The following PCDHA2 variants were observed in gnomAD, a reference collection of about 807,000 sequenced individuals.
PCDHA2 encodes the protein protocadherin alpha-2.
PCDHA2 carries 58 observed loss-of-function variants against 66.0 expected under a neutral mutation model. That is an observed-to-expected ratio of 0.88 (90% CI 0.71 to 1.09). The LOEUF is 1.09. Ranked by LOEUF, PCDHA2 falls within the 50% of genes least tolerant of loss-of-function variation. PCDHA2 has a pLI of 0.00. For synonymous variants in PCDHA2, 634 were observed against 554.0 expected (o/e 1.14, Z -2.03); for missense variants, 1,267 against 1,242.3 (o/e 1.02, Z -0.30).
chr5:140,867,751 T>C (rs1280399942), intron 1 of PCDHA2: 2 of 152,116 alleles, frequency 1.3e-5, no homozygotes, highest in Non-Finnish European at 2.9e-5. Context: ...AGTTACAACT[T>C]CAGGCAAAGA....
At chr5:140,807,703 G>A (rs1554124212) in intron 1 of PCDHA2, 2 of 1,614,208 alleles carry the variant, frequency 1.2e-6, no homozygotes, top group South Asian at 1.1e-5. Flanking sequence ...CTTACAGACT[G>A]AGCCCAAATG....
At chr5:140,993,720 T>C (rs1201014213) in intron 3 of PCDHA2, among the ~76,000 whole-genome samples, 2 of 152,172 alleles carry the variant, frequency 1.3e-5, no homozygotes, top group Non-Finnish European at 2.9e-5. Context: ...TTACTGTACC[T>C]TTTCTATGTT....
chr5:140,961,028 C>T (rs889602727), intron 1 of PCDHA2, among the ~76,000 whole-genome samples: 2 of 152,146 alleles, frequency 1.3e-5, no homozygotes, highest in African/African-American at 4.8e-5. Context: ...TTGCTACCTC[C>T]TTGTTTTGAG....
In PCDHA2 at chr5:140,844,652, C is replaced by CA. The variant is rs1162718646; in HGVS notation, c.2388+47303dup. 1.0e-4 allele frequency among the ~76,000 whole-genome samples: 15 copies of CA among 149,492 alleles called. 1 individual carries two copies. The highest frequency in any genetic ancestry group is 2.0e-4 in the Admixed American group (3 of 14,904). On this transcript the variant is annotated intron_variant, in intron 1 of 3. Transcript: ENST00000526136. ...ACTATACATGATAATTTCATTCTTG[C>CA]AAACCAAACATATAATTTATAAATC...
At chr5:140,803,037 G>A (rs782532560) in intron 1 of PCDHA2, 2 of 1,614,034 alleles carry the variant, frequency 1.2e-6, no homozygotes, top group East Asian at 4.5e-5. Flanking sequence ...GCTGCAGCCT[G>A]GGACCGGCGG....
At chr5:140,878,093 G>C (rs1209778256) in intron 1 of PCDHA2, 1 of 292,952 alleles carries the variant, frequency 3.4e-6, no homozygotes, top group Non-Finnish European at 6.0e-6. Context: ...TTATATGACT[G>C]ATGAACCTTG....
At chr5:140,827,304 G>A (rs2150147020) in intron 1 of PCDHA2, among the ~76,000 whole-genome samples, 2 of 152,160 alleles carry the variant, frequency 1.3e-5, no homozygotes, top group East Asian at 1.9e-4. Flanking sequence ...AAAGCACAAT[G>A]GGTAGAAATT....
Position 140,995,742 on chromosome 5 carries a change from A to G in PCDHA2, c.2536+13179A>G, listed in dbSNP as rs1354360972. Among the ~76,000 whole-genome samples the G allele has an allele frequency of 7.2e-5, 11 of 152,280 alleles. No individual in the cohort carries two copies. In the East Asian group the frequency reaches 2.1e-3, roughly 29 times the overall value. On this transcript the variant is annotated intron_variant, in intron 3 of 3. Coordinates refer to ENST00000526136, the MANE Select transcript of PCDHA2 (RefSeq NM_018905.3). Reference sequence around the variant, plus strand: ...CTTAGGTAATCCTGGTGGATTTGGTATATCATGTCTGAGAAAATGTGGAGA... The same window carrying G: ...CTTAGGTAATCCTGGTGGATTTGGTGTATCATGTCTGAGAAAATGTGGAGA...
chr5:140,928,824 A>C (rs782336122), intron 1 of PCDHA2: 2 of 1,614,110 alleles, frequency 1.2e-6, no homozygotes, highest in Non-Finnish European at 1.7e-6. Flanking sequence ...ATGGAGACCC[A>C]CCACTTTCCT....
In PCDHA2 at chr5:140,978,000, T is replaced by G. The variant is rs564788160; in HGVS notation, c.2389-949T>G. 2.0e-5 allele frequency among the ~76,000 whole-genome samples: 3 copies of G among 152,212 alleles called. No homozygotes were observed. In the South Asian group the frequency reaches 6.2e-4, roughly 32 times the overall value. On this transcript the variant is annotated intron_variant, in intron 1 of 3. Coordinates refer to ENST00000526136, the MANE Select transcript of PCDHA2 (RefSeq NM_018905.3). ...AACGCATCTAGAGGAGTGTCACAAG[T>G]TTTTCACAGTGACATTTTTGCTTAC...
intron 3 of PCDHA2, among the ~76,000 whole-genome samples, chr5:140,996,581 A>C (rs1554255228): frequency 6.6e-6 from 1 of 152,118 alleles, no homozygotes; most frequent in Non-Finnish European, 1.5e-5. Flanking sequence ...ATTTGTTAAC[A>C]AGGGCCGCCT....
rs141467414 is a variant in PCDHA2, at chr5:140,797,315, A to T, written c.2351A>T (p.Glu784Val). The change falls in exon 1 of 4, where the codon GAA becomes GTA. Residue 784 changes from glutamate (E) to valine (V), a missense_variant. Coordinates refer to ENST00000526136, the MANE Select transcript of PCDHA2 (RefSeq NM_018905.3). Reference sequence around the variant, plus strand: ...TTATCTCAAGGTCCAGACTCCGCAGAAGAGAAACAGCTCTCAGAATCAGAA... The same window carrying T: ...TTATCTCAAGGTCCAGACTCCGCAGTAGAGAAACAGCTCTCAGAATCAGAA... ...PSLSQGPDSAEEKQLSESEYV... is the reference protein window; with the variant it reads ...PSLSQGPDSAVEKQLSESEYV... The T allele has an allele frequency of 1.7e-4, 277 of 1,614,096 alleles. No homozygotes were observed. The highest frequency in any genetic ancestry group is 2.3e-4 in the Admixed American group (14 of 60,016).
chr5:140,911,378 C>T lies in PCDHA2; in HGVS notation c.2389-67571C>T, dbSNP rs184939316. On this transcript the variant is annotated intron_variant, in intron 1 of 3. Transcript: ENST00000526136. ...ACAGTAGACACCTGGCAAGGCTGTG[C>T]ATGCACCTTTCATTGCAGGTCAGCC... Among the ~76,000 whole-genome samples the T allele has an allele frequency of 8.0e-3, 1,215 of 152,282 alleles. 6 individuals carry two copies. The highest frequency in any genetic ancestry group is 0.019 in the African/African-American group (783 of 41,542).
intron 1 of PCDHA2, chr5:140,849,838 T>A: frequency 6.3e-7 from 1 of 1,598,422 alleles, no homozygotes; most frequent in Non-Finnish European, 8.6e-7. Flanking sequence ...GTGGCCGACG[T>A]GAACGACAAC....
chr5:140,979,405 C>A (rs2096849045), intron 2 of PCDHA2, among the ~76,000 whole-genome samples: 1 of 151,828 alleles, frequency 6.6e-6, no homozygotes, highest in Non-Finnish European at 1.5e-5. Flanking sequence ...TGTTGTCTAC[C>A]TTGTTTTTTT....
At chr5:140,909,288 A>G (rs1441603045) in intron 1 of PCDHA2, among the ~76,000 whole-genome samples, 2 of 152,234 alleles carry the variant, frequency 1.3e-5, no homozygotes, top group Non-Finnish European at 2.9e-5. Context: ...GGTGGGCCTT[A>G]TGGACAGGAA....
At chr5:140,863,723 G>A (rs1013591731) in intron 1 of PCDHA2, 3 of 271,432 alleles carry the variant, frequency 1.1e-5, no homozygotes, top group African/African-American at 4.4e-5. Context: ...GGCCGGGTGC[G>A]GTAGCTCATG....
chr5:140,876,154 A>C, intron 1 of PCDHA2: 2 of 1,613,972 alleles, frequency 1.2e-6, no homozygotes, highest in Non-Finnish European at 1.7e-6. Flanking sequence ...GTCTGTCCAG[A>C]TTCAAATAAC....
intron 1 of PCDHA2, chr5:140,803,465 G>C: frequency 1.2e-6 from 2 of 1,614,256 alleles, no homozygotes; most frequent in South Asian, 1.1e-5. Context: ...AGAGGCAGCA[G>C]AGGGTGTGCT....
Sources: gnomAD v4.1 joint callset for allele counts (sites outside exome capture counted in the v4.1 genomes callset) on GRCh38, gnomAD v4.1.1 for gene constraint, MANE v1.5 for transcripts, NCBI Gene and HGNC (gene_info 2026-07-23, HGNC 2026-07-21) for gene names.